KDM1A: variants seen among roughly 807,000 people sequenced by gnomAD.
KDM1A encodes the protein lysine-specific histone demethylase 1A.
In KDM1A, 49 loss-of-function variants were observed where a neutral mutation model predicts 109.4. The observed-to-expected ratio is 0.45, with a 90% confidence interval of 0.36 to 0.57. The LOEUF is 0.57. Ranked by LOEUF, KDM1A falls within the 20% of genes least tolerant of loss-of-function variation. KDM1A has a pLI of 0.00. For missense variants in KDM1A, 668 were observed against 1,116.6 expected, an observed-to-expected ratio of 0.60 and a Z score of 5.73; for synonymous variants, 380 against 415.4, an observed-to-expected ratio of 0.91 and a Z score of 1.04.
chr1:23,081,566 TA>T lies in KDM1A; in HGVS notation c.2292del (p.Pro765LeufsTer35). On this transcript the variant is annotated frameshift_variant, in exon 19 of 21. Transcript: ENST00000400181. LOFTEE classifies it high-confidence loss of function. ...ILKGIFGSSA[V>X]PQPKETVVSR... The stretch of plus-strand genomic sequence containing the variant: ...AAAGGGATTTTTGGTAGCAGTGCAG[TA>T]CCTCAGGTAAGTAGGTAGGTGGGGC... The T allele has an allele frequency of 6.2e-7, 1 of 1,614,126 alleles. No individual in the cohort carries two copies. Among genetic ancestry groups the T allele is most frequent in the Non-Finnish European group, 8.5e-7 (1 of 1,179,984 alleles).
intron 12 of KDM1A, among the ~76,000 whole-genome samples, chr1:23,069,581 G>A (rs897519823): frequency 1.3e-5 from 2 of 152,100 alleles, no homozygotes; most frequent in Admixed American, 6.6e-5. Context: ...AACTGTCCTG[G>A]GCCACGAGTT....
chr1:23,082,273 T>G lies in KDM1A; in HGVS notation c.2352T>G (p.Ser784=). ...RWRADPWARG[S]YSYVAAGSSG... The stretch of plus-strand genomic sequence containing the variant: ...GTGCTGATCCCTGGGCTCGGGGCTC[T>G]TATTCCTATGTTGCTGCAGGATCAT... Residue 784 remains serine (S), a synonymous_variant, in exon 20 of 21, where the codon TCT becomes TCG. Transcript: ENST00000400181. 6.2e-7 allele frequency: 1 copy of G among 1,613,998 alleles called. No homozygotes were observed. The highest frequency in any genetic ancestry group is 1.1e-5 in the South Asian group (1 of 91,056).
In KDM1A at chr1:23,079,039, T is replaced by C. The variant is rs776747883; in HGVS notation, c.1917T>C (p.Ile639=). Residue 639 remains isoleucine, a synonymous_variant, in exon 17 of 21, where the codon ATT becomes ATC. Transcript: ENST00000400181. The surrounding 1 kb of genome is among the most constrained non-coding windows in gnomAD (Gnocchi z 5.6). The stretch of plus-strand genomic sequence containing the variant: ...CCCGCTCCACGAGTCAAACCTTTAT[T>C]TATAAATGCGACGCAGTTCTCTGTA... The part of the protein sequence containing the change: ...VNTRSTSQTF[I]YKCDAVLCTL... 2 of 1,614,162 alleles carry C rather than the reference T, an allele frequency of 1.2e-6. No individual in the cohort carries two copies. The highest frequency in any genetic ancestry group is 1.7e-5 in the Admixed American group (1 of 60,030).
At chr1:23,048,071 C>A (rs1569715374) in intron 3 of KDM1A, among the ~76,000 whole-genome samples, 2 of 152,206 alleles carry the variant, frequency 1.3e-5, no homozygotes, top group Non-Finnish European at 2.9e-5. Context: ...AAGAAAACTA[C>A]CATTTTTGGC....
chr1:23,023,268 T>C (rs1187999573), intron 1 of KDM1A, among the ~76,000 whole-genome samples: 2 of 152,238 alleles, frequency 1.3e-5, no homozygotes, highest in African/African-American at 2.4e-5. Context: ...TCTGGTGTTA[T>C]ATCTAATAAA....
chr1:23,050,567 A>G, intron 4 of KDM1A, 47 bp downstream of exon 4: 2 of 1,457,610 alleles, frequency 1.4e-6, no homozygotes, highest in Non-Finnish European at 1.8e-6. Flanking sequence ...AAAAGTATAT[A>G]TGGCTTTGAT....
intron 1 of KDM1A, among the ~76,000 whole-genome samples, chr1:23,025,725 A>G (rs1641776917): frequency 6.6e-6 from 1 of 152,194 alleles, no homozygotes; most frequent in South Asian, 2.1e-4. Context: ...AGATGGAAGT[A>G]GCTTTAGGGA....
intron 2 of KDM1A, among the ~76,000 whole-genome samples, chr1:23,037,084 C>T (rs1049993678): frequency 6.6e-6 from 1 of 151,620 alleles, no homozygotes; most frequent in Middle Eastern, 3.4e-3. Context: ...TGAGACCAGC[C>T]CAGCCAACAT....
chr1:23,042,881 T>G (rs1478019885), intron 2 of KDM1A, among the ~76,000 whole-genome samples: 1 of 152,100 alleles, frequency 6.6e-6, no homozygotes, highest in Non-Finnish European at 1.5e-5. Flanking sequence ...CCCGAGTAGC[T>G]GGGATTACAG....
chr1:23,064,520 T>G (rs1230478857), intron 9 of KDM1A, among the ~76,000 whole-genome samples: 4 of 152,218 alleles, frequency 2.6e-5, no homozygotes, highest in Non-Finnish European at 5.9e-5. Flanking sequence ...TTGCTGCATT[T>G]AACTCCATTC....
At chr1:23,066,746 G>C (rs1643171090) in intron 10 of KDM1A, among the ~76,000 whole-genome samples, 1 of 152,168 alleles carries the variant, frequency 6.6e-6, no homozygotes, top group South Asian at 2.1e-4. Flanking sequence ...TAACTACCTA[G>C]ATTTCACATT....
At chr1:23,021,652 C>T (rs904209579) in intron 1 of KDM1A, among the ~76,000 whole-genome samples, 4 of 152,030 alleles carry the variant, frequency 2.6e-5, no homozygotes, top group South Asian at 2.1e-4. Flanking sequence ...GCAACAAGAG[C>T]GAAACTGTCT....
intron 1 of KDM1A, among the ~76,000 whole-genome samples, chr1:23,024,934 T>C (rs530058970): frequency 6.6e-6 from 1 of 152,298 alleles, no homozygotes; most frequent in East Asian, 1.9e-4. Flanking sequence ...TTGAGAAGCA[T>C]CAGGGAATCC....
intron 1 of KDM1A, among the ~76,000 whole-genome samples, chr1:23,023,038 G>C (rs1641689825): frequency 6.6e-6 from 1 of 152,124 alleles, no homozygotes; most frequent in African/African-American, 2.4e-5. Flanking sequence ...TCTCATTGTG[G>C]TTTTGATATG....
At chr1:23,080,366 G>A (rs960263281) in intron 18 of KDM1A, among the ~76,000 whole-genome samples, 1 of 152,158 alleles carries the variant, frequency 6.6e-6, no homozygotes, top group African/African-American at 2.4e-5. Context: ...AGGCTGTCAA[G>A]TCCTGTCAGT....
chr1:23,081,516 T>A lies in KDM1A; in HGVS notation c.2241T>A (p.Ile747=). Residue 747 remains isoleucine (I), a synonymous_variant, in exon 19 of 21, where the codon ATT becomes ATA. Coordinates refer to ENST00000400181, the MANE Select transcript of KDM1A (RefSeq NM_001009999.3). The part of the protein sequence containing the change: ...GIMENISDDV[I]VGRCLAILKG... ...TGGAAAACATAAGTGACGATGTGAT[T>A]GTTGGCCGATGCCTGGCCATTCTCA... The A allele has an allele frequency of 5.0e-6, 8 of 1,614,198 alleles. No individual in the cohort carries two copies. Among genetic ancestry groups the A allele is most frequent in the Non-Finnish European group, 6.8e-6 (8 of 1,180,016 alleles).
At chr1:23,023,560 C>T (rs1441430649) in intron 1 of KDM1A, among the ~76,000 whole-genome samples, 3 of 152,160 alleles carry the variant, frequency 2.0e-5, no homozygotes, top group Non-Finnish European at 2.9e-5. Flanking sequence ...TTATATATTT[C>T]CGTCCATTCC....
intron 9 of KDM1A, among the ~76,000 whole-genome samples, chr1:23,059,627 T>C (rs557505042): frequency 6.6e-6 from 1 of 152,324 alleles, no homozygotes; most frequent in African/African-American, 2.4e-5. Context: ...CATGCTTAGA[T>C]AGGCTAAAGT....
rs538024243 is a variant in KDM1A at position 23,066,206 on chromosome 1, C to T, written c.1179+135C>T. 7.1e-5 allele frequency: 47 copies of T among 659,574 alleles called. No homozygotes were observed. In the South Asian group the frequency reaches 7.6e-4, roughly 11 times the overall value. The allele number at this position is 659,574 out of a possible 1,614,324, so 40.9% of individuals were successfully genotyped here. On this transcript the variant is annotated intron_variant, in intron 10 of 20. Transcript: ENST00000400181. ...ACACTGGTTTGTTGTTGTAGAGTTG[C>T]GCCTATATGTTGGGCTGGTGCCATT...
Sources: allele counts gnomAD v4.1 joint callset (sites outside exome capture counted in the v4.1 genomes callset), GRCh38; gene constraint gnomAD v4.1.1; non-coding constraint Gnocchi (gnomAD v3.1); transcripts MANE v1.5; gene names NCBI Gene and HGNC (gene_info 2026-07-23, HGNC 2026-07-21).